The following PTPRM variants were observed in gnomAD, a reference collection of about 807,000 sequenced individuals.
PTPRM encodes receptor-type tyrosine-protein phosphatase mu.
Under a neutral mutation model 186.7 loss-of-function variants are expected in PTPRM, and 47 were observed. The observed-to-expected ratio is 0.25, with a 90% confidence interval of 0.20 to 0.32. The LOEUF (loss-of-function observed/expected upper bound fraction) is 0.32, where lower values mean the gene tolerates loss of function less well. Among genes scored for constraint, PTPRM ranks in the 10% least tolerant of loss-of-function variants. The pLI is 1.00. For synonymous variants in PTPRM, 668 were observed against 674.9 expected (o/e 0.99, Z 0.16); for missense variants, 1,494 against 1,865.0 (o/e 0.80, Z 3.66).
At chr18:8,310,316 C>T (rs760447917) in intron 20 of PTPRM, among the ~76,000 whole-genome samples, 7 of 151,680 alleles carry the variant, frequency 4.6e-5, no homozygotes, top group Non-Finnish European at 8.8e-5. Flanking sequence ...TCAACAATAG[C>T]GGGCATCTGA....
At chr18:8,226,975 G>T (rs1490477378) in intron 14 of PTPRM, among the ~76,000 whole-genome samples, 1 of 152,166 alleles carries the variant, frequency 6.6e-6, no homozygotes, top group African/African-American at 2.4e-5. Context: ...CTGCTGTTTT[G>T]CCTCTTAAGG....
intron 2 of PTPRM, among the ~76,000 whole-genome samples, chr18:7,802,881 G>A (rs980298440): frequency 6.6e-6 from 1 of 152,152 alleles, no homozygotes; most frequent in Non-Finnish European, 1.5e-5. Flanking sequence ...AAAACTCAGG[G>A]AAGTTACAGT....
chr18:8,193,324 A>C (rs1044137119), intron 14 of PTPRM, among the ~76,000 whole-genome samples: 1 of 152,188 alleles, frequency 6.6e-6, no homozygotes, highest in African/African-American at 2.4e-5. Flanking sequence ...GCTGTGGTGA[A>C]GAAAGCTATC....
At chr18:8,235,698 T>C (rs556545049) in intron 14 of PTPRM, among the ~76,000 whole-genome samples, 1 of 152,238 alleles carries the variant, frequency 6.6e-6, no homozygotes, top group African/African-American at 2.4e-5. Context: ...TTGTCTAATA[T>C]GTGCATCCAG....
intron 5 of PTPRM, among the ~76,000 whole-genome samples, chr18:7,945,025 G>C (rs2052423811): frequency 6.6e-6 from 1 of 152,136 alleles, no homozygotes; most frequent in Non-Finnish European, 1.5e-5. Context: ...CTCATTAATG[G>C]ATTAATACAT....
chr18:8,169,460 T>C (rs1360210250), intron 14 of PTPRM, among the ~76,000 whole-genome samples: 4 of 152,086 alleles, frequency 2.6e-5, no homozygotes, highest in Non-Finnish European at 5.9e-5. Context: ...TAGGTCTACT[T>C]CCCCTGTTGC....
chr18:8,159,596 T>G (rs535193486), intron 14 of PTPRM, among the ~76,000 whole-genome samples: 2 of 152,338 alleles, frequency 1.3e-5, no homozygotes, highest in East Asian at 3.9e-4. Context: ...GAATTCCAAT[T>G]TGGACACCTG....
chr18:8,367,642 G>A (rs4797312), intron 23 of PTPRM, among the ~76,000 whole-genome samples: 2 of 152,166 alleles, frequency 1.3e-5, no homozygotes, highest in South Asian at 4.1e-4. Flanking sequence ...GGTGCGGGGG[G>A]ACAGCCAGCC....
chr18:7,999,409 C>G (rs1197067556), intron 7 of PTPRM, among the ~76,000 whole-genome samples: 1 of 151,952 alleles, frequency 6.6e-6, no homozygotes, highest in African/African-American at 2.4e-5. Flanking sequence ...AGAGTCAAGT[C>G]AATGATACAG....
chr18:7,784,177 C>T lies in PTPRM; in HGVS notation c.196+9906C>T, dbSNP rs138196824. 2.9e-3 allele frequency among the ~76,000 whole-genome samples: 434 copies of T among 152,132 alleles called. 5 individuals are homozygous for T. The highest frequency in any genetic ancestry group is 0.01 in the African/African-American group (426 of 41,502). ...TCCATAGTCCAAGAAGTCAAAGAGC[C>T]GAATACATTTAAATAAATAATTGGT... On this transcript the variant is annotated intron_variant, in intron 2 of 32. Coordinates refer to ENST00000580170, the MANE Select transcript of PTPRM (RefSeq NM_001105244.2).
At chr18:8,089,125 T>A (rs1367455644) in intron 11 of PTPRM, among the ~76,000 whole-genome samples, 2 of 152,198 alleles carry the variant, frequency 1.3e-5, no homozygotes, top group African/African-American at 4.8e-5. Context: ...GAGGTAGTTT[T>A]AAATTAAAAG....
At chr18:7,797,854 AGCT>A (rs2145305829) in intron 2 of PTPRM, among the ~76,000 whole-genome samples, 1 of 152,326 alleles carries the variant, frequency 6.6e-6, no homozygotes, top group African/African-American at 2.4e-5. Context: ...TAGGGTCTGC[AGCT>A]GCTGCTGCCA....
At chr18:8,339,028 A>G (rs1252480580) in intron 22 of PTPRM, among the ~76,000 whole-genome samples, 1 of 152,138 alleles carries the variant, frequency 6.6e-6, no homozygotes, top group Non-Finnish European at 1.5e-5. Flanking sequence ...TAGGGCACCC[A>G]TCACCTGAAT....
At chr18:8,328,822 A>G (rs1351610280) in intron 22 of PTPRM, among the ~76,000 whole-genome samples, 1 of 152,256 alleles carries the variant, frequency 6.6e-6, no homozygotes, top group Non-Finnish European at 1.5e-5. Flanking sequence ...CCTTTTAAAC[A>G]ATAATTTCTC....
intron 2 of PTPRM, among the ~76,000 whole-genome samples, chr18:7,884,951 A>T (rs561376151): frequency 4.8e-5 from 7 of 146,202 alleles, no homozygotes; most frequent in Non-Finnish European, 1.1e-4. Flanking sequence ...AAAAAAAAAA[A>T]GGAGAGAGAG....
intron 7 of PTPRM, among the ~76,000 whole-genome samples, chr18:8,020,224 C>G (rs971708909): frequency 6.6e-6 from 1 of 152,028 alleles, no homozygotes; most frequent in South Asian, 2.1e-4. Flanking sequence ...TTTTTTCGTG[C>G]GTGTGGCAGA....
At chr18:8,057,227 A>G (rs2088040923) in intron 7 of PTPRM, among the ~76,000 whole-genome samples, 2 of 151,904 alleles carry the variant, frequency 1.3e-5, no homozygotes, top group African/African-American at 4.8e-5. Flanking sequence ...TTTCTTTAAT[A>G]AAAAGTGATC....
At chr18:8,166,608 G>A (rs1201868983) in intron 14 of PTPRM, among the ~76,000 whole-genome samples, 1 of 152,222 alleles carries the variant, frequency 6.6e-6, no homozygotes, top group African/African-American at 2.4e-5. Context: ...CTTATTTGGT[G>A]ATGATGATGA....
At chr18:7,725,624 A>G (rs1196427997) in intron 1 of PTPRM, among the ~76,000 whole-genome samples, 1 of 147,814 alleles carries the variant, frequency 6.8e-6, no homozygotes, top group Non-Finnish European at 1.5e-5. Context: ...ATCGGAGACT[A>G]TGGTTGGATG....
Sources: gnomAD v4.1 joint callset for allele counts (sites outside exome capture counted in the v4.1 genomes callset) on GRCh38, gnomAD v4.1.1 for gene constraint, MANE v1.5 for transcripts, NCBI Gene and HGNC (gene_info 2026-07-23, HGNC 2026-07-21) for gene names.